ITGB3: variants seen among roughly 807,000 people sequenced by gnomAD.
The protein encoded by ITGB3 is integrin beta-3.
ITGB3 carries 48 observed loss-of-function variants against 85.8 expected under a neutral mutation model. That is an observed-to-expected ratio of 0.56 (90% CI 0.44 to 0.71). The LOEUF is 0.71. ITGB3 is among the 30% of genes least tolerant of loss of function. The pLI is 0.00. For missense variants in ITGB3, 861 were observed against 1,019.1 expected, an observed-to-expected ratio of 0.84 and a Z score of 2.11; for synonymous variants, 363 against 395.6, an observed-to-expected ratio of 0.92 and a Z score of 0.98.
intron 1 of ITGB3, among the ~76,000 whole-genome samples, chr17:47,272,966 A>G (rs920614831): frequency 1.3e-5 from 2 of 151,732 alleles, no homozygotes; most frequent in East Asian, 3.9e-4. Context: ...GCAGAGATGG[A>G]GTTTCACCAT....
chr17:47,283,467 GC>G lies in ITGB3; in HGVS notation c.283del (p.Leu95SerfsTer49). 4 of 1,614,212 alleles carry G rather than the reference GC, an allele frequency of 2.5e-6. No individual in the cohort carries two copies. Among genetic ancestry groups the G allele is most frequent in the Non-Finnish European group, 3.4e-6 (4 of 1,180,038 alleles). ...GTGAGGCCCGAGTACTAGAGGACAG[GC>G]CCCTCAGCGACAAGGGCTCTGGAGA... ...VSEARVLEDR[P>X]LSDKGSGDSS... On this transcript the variant is annotated frameshift_variant, in exon 3 of 15. Transcript: ENST00000559488. LOFTEE classifies it high-confidence loss of function.
In ITGB3 at chr17:47,311,805, T is replaced by C. The variant is rs1156532791; in HGVS notation, c.*1601T>C. ...GAAAAAAAGAAAGACTTATCAACAT[T>C]TGTTCCATGAGCAGAAAACTGGAGC... On this transcript the variant is annotated 3_prime_UTR_variant, in exon 15 of 15. Coordinates refer to ENST00000559488, the MANE Select transcript of ITGB3 (RefSeq NM_000212.3). The C allele has an allele frequency of 6.6e-6, 1 of 152,212 alleles. No individual in the cohort carries two copies. The highest frequency in any genetic ancestry group is 2.4e-5 in the African/African-American group (1 of 41,448). 9.4% of individuals were successfully genotyped at this position (152,212 alleles called of 1,614,324 possible). A position where few individuals can be genotyped will look rare whatever the true frequency, so the allele number is the denominator to read the frequency against.
chr17:47,290,828 C>A, intron 8 of ITGB3, 126 bp from the exon 9 acceptor site: 1 of 1,092,160 alleles, frequency 9.2e-7, no homozygotes, highest in Non-Finnish European at 1.4e-6. Context: ...CAAACCTTGG[C>A]CTCTGGCACT....
chr17:47,260,955 C>T (rs1393692305), intron 1 of ITGB3, among the ~76,000 whole-genome samples: 1 of 152,126 alleles, frequency 6.6e-6, no homozygotes, highest in Non-Finnish European at 1.5e-5. Context: ...CACATACATA[C>T]TTCTGATTTA....
chr17:47,271,654 A>G (rs1436798018), intron 1 of ITGB3, among the ~76,000 whole-genome samples: 1 of 152,230 alleles, frequency 6.6e-6, no homozygotes, highest in Non-Finnish European at 1.5e-5. Context: ...GCACACCACA[A>G]TATGATCATG....
At position 47,284,637 on chromosome 17, in the gene ITGB3, C is replaced by G. The variant is rs370284989; in HGVS notation, c.556C>G (p.Pro186Ala). 3.7e-6 allele frequency: 6 copies of G among 1,614,118 alleles called. No individual in the cohort carries two copies. Among genetic ancestry groups the G allele is most frequent in the South Asian group, 3.3e-5 (3 of 91,062 alleles). ...RIGFGAFVDK[P>A]VSPYMYISPP... The stretch of plus-strand genomic sequence containing the variant: ...TGGCTTCGGGGCATTTGTGGACAAG[C>G]CTGTGTCACCATACATGTATATCTC... Residue 186 changes from proline (P) to alanine (A), a missense_variant, in exon 4 of 15, where the codon CCT becomes GCT. Physicochemically the swap from Pro to Ala is conservative, Grantham distance 27 (BLOSUM62 -1). Coordinates refer to ENST00000559488, the MANE Select transcript of ITGB3 (RefSeq NM_000212.3).
At chr17:47,263,482 C>G (rs2065015585) in intron 1 of ITGB3, among the ~76,000 whole-genome samples, 1 of 139,078 alleles carries the variant, frequency 7.2e-6, no homozygotes, top group Non-Finnish European at 1.6e-5. Context: ...CCCGCCCCCC[C>G]CACCCCCACC....
chr17:47,311,525 AAAG>A lies in ITGB3; in HGVS notation c.*1325_*1327del, dbSNP rs1309911666. On this transcript the variant is annotated 3_prime_UTR_variant, in exon 15 of 15. Coordinates refer to ENST00000559488, the MANE Select transcript of ITGB3 (RefSeq NM_000212.3). ...TATATTTGTAAATTTATGTGATGGC[AAAG>A]AAGGAGAGCATAGGAAACCACACAG... 1 of 152,244 alleles carries A rather than the reference AAAG, an allele frequency of 6.6e-6. No homozygotes were observed. The highest frequency in any genetic ancestry group is 2.4e-5 in the African/African-American group (1 of 41,444). 9.4% of individuals were successfully genotyped at this position (152,244 alleles called of 1,614,324 possible).
rs979072368 is a variant in ITGB3 at position 47,307,149 on chromosome 17, C to T, written c.2135-322C>T. On this transcript the variant is annotated intron_variant, in intron 13 of 14. Coordinates refer to ENST00000559488, the MANE Select transcript of ITGB3 (RefSeq NM_000212.3). ...AGTTTTTCGATCCCCACCTCCTCCC[C>T]GTCTCCACCCTCAAGTAGGTCCCAG... Among the ~76,000 whole-genome samples, 7 of 152,038 alleles carry T rather than the reference C, an allele frequency of 4.6e-5. No individual in the cohort carries two copies. In the East Asian group the frequency reaches 5.8e-4, roughly 13 times the overall value.
At position 47,310,515 on chromosome 17, in the gene ITGB3, A is replaced by G. The variant is rs887002889; in HGVS notation, c.*311A>G. 2.0e-5 allele frequency: 9 copies of G among 450,662 alleles called. No individual in the cohort carries two copies. Among genetic ancestry groups the G allele is most frequent in the Middle Eastern group, 6.8e-4 (1 of 1,472 alleles). 27.9% of individuals were successfully genotyped at this position (450,662 alleles called of 1,614,324 possible). A position where few individuals can be genotyped will look rare whatever the true frequency, so the allele number is the denominator to read the frequency against. On this transcript the variant is annotated 3_prime_UTR_variant, in exon 15 of 15. Transcript: ENST00000559488. ...CTTCCTGCTTAGCTTGAGGGTGACTATGGAGCTGAGCAGGTGTTCTTCATT... is the reference window on the plus strand; with the variant it reads ...CTTCCTGCTTAGCTTGAGGGTGACTGTGGAGCTGAGCAGGTGTTCTTCATT...
intron 7 of ITGB3, among the ~76,000 whole-genome samples, 159 bp from the exon 8 acceptor site, chr17:47,290,026 G>A (rs990556139): frequency 6.6e-6 from 1 of 152,138 alleles, no homozygotes; most frequent in Admixed American, 6.5e-5. Flanking sequence ...TTTGCTCAGG[G>A]CTGAAAAACT....
chr17:47,272,663 A>ATCTT (rs141272164), intron 1 of ITGB3, among the ~76,000 whole-genome samples: 1,941 of 148,278 alleles, frequency 0.013, 42 homozygotes, highest in African/African-American at 0.041. Context: ...ATTTTATGTA[A>ATCTT]TCTTTCTTTC....
At chr17:47,270,843 A>G (rs1328166416) in intron 1 of ITGB3, among the ~76,000 whole-genome samples, 1 of 152,184 alleles carries the variant, frequency 6.6e-6, no homozygotes, top group Non-Finnish European at 1.5e-5. Flanking sequence ...TTCCGCATAT[A>G]ATCTAGGGTT....
chr17:47,307,973 C>A (rs2065195694), intron 14 of ITGB3, among the ~76,000 whole-genome samples: 1 of 151,946 alleles, frequency 6.6e-6, no homozygotes, highest in African/African-American at 2.4e-5. Flanking sequence ...CGAGACCAGC[C>A]TGGGCAACAT....
At chr17:47,269,278 CGTT>C (rs1187999466) in intron 1 of ITGB3, among the ~76,000 whole-genome samples, 2 of 152,180 alleles carry the variant, frequency 1.3e-5, no homozygotes, top group Non-Finnish European at 2.9e-5. Context: ...TTCAGCTCCT[CGTT>C]ACTTATTTCT....
At chr17:47,280,273 G>C (rs1456202524) in intron 2 of ITGB3, among the ~76,000 whole-genome samples, 1 of 152,334 alleles carries the variant, frequency 6.6e-6, no homozygotes, top group Non-Finnish European at 1.5e-5. Context: ...CGTGGGGAAG[G>C]CTTCAGCCCA....
chr17:47,282,491 A>C (rs2065087412), intron 2 of ITGB3, among the ~76,000 whole-genome samples: 3 of 152,216 alleles, frequency 2.0e-5, no homozygotes, highest in African/African-American at 7.2e-5. Context: ...TTCGTGTTAC[A>C]GCTGAGGAAA....
chr17:47,285,429 T>G (rs955183364), intron 4 of ITGB3, among the ~76,000 whole-genome samples: 1 of 152,018 alleles, frequency 6.6e-6, no homozygotes, highest in Admixed American at 6.6e-5. Context: ...CTAGGCAACA[T>G]AGTGAGACCC....
rs981551970 is a variant in ITGB3, at chr17:47,313,491, C to G, written c.*3287C>G. On this transcript the variant is annotated 3_prime_UTR_variant, in exon 15 of 15. Coordinates refer to ENST00000559488, the MANE Select transcript of ITGB3 (RefSeq NM_000212.3). ...CCTCCCGAGTAGCTGGGATTACAGGCACCTGCCACCACGCCCGGCTAATTT... is the reference window on the plus strand; with the variant it reads ...CCTCCCGAGTAGCTGGGATTACAGGGACCTGCCACCACGCCCGGCTAATTT... Among the ~76,000 whole-genome samples the G allele has an allele frequency of 6.6e-6, 1 of 151,668 alleles. No individual in the cohort carries two copies. The highest frequency in any genetic ancestry group is 1.5e-5 in the Non-Finnish European group (1 of 67,938).
Sources: gnomAD v4.1 joint callset for allele counts (sites outside exome capture counted in the v4.1 genomes callset) on GRCh38, gnomAD v4.1.1 for gene constraint, MANE v1.5 for transcripts, NCBI Gene and HGNC (gene_info 2026-07-23, HGNC 2026-07-21) for gene names.